Variants in KATNIP observed in about 807,000 individuals in gnomAD.
The protein encoded by KATNIP is katanin-interacting protein.
In KATNIP, 126 loss-of-function variants were observed where a neutral mutation model predicts 174.0. That is an observed-to-expected ratio of 0.72 (90% CI 0.63 to 0.84). The LOEUF (loss-of-function observed/expected upper bound fraction) is 0.84. Among genes scored for constraint, KATNIP ranks in the 40% least tolerant of loss-of-function variants. KATNIP has a pLI of 0.00. For missense variants in KATNIP, 1,958 were observed against 2,109.7 expected, an observed-to-expected ratio of 0.93 and a Z score of 1.41; for synonymous variants, 810 against 835.7, an observed-to-expected ratio of 0.97 and a Z score of 0.53.
At position 27,777,622 on chromosome 16, in the gene KATNIP, G is replaced by C. The variant is rs768377844; in HGVS notation, c.4564G>C (p.Asp1522His). ...CGTGTCCCTGCAGCTCCTGGTGGAC[G>C]ACCTGCTTGTGTACAATGGGATCCT... ...GVKEFGLLVD[D>H]LLVYNGILAM... The change falls in exon 26 of 28, where the codon GAC becomes CAC. Residue 1522 changes from aspartate to histidine, a missense_variant. Physicochemically the swap from Asp to His is moderately conservative, Grantham distance 81 (BLOSUM62 -1). Around this residue, in one of 3 missense-constraint regions of KATNIP, gnomAD observed 383 missense variants for 456.0 expected, o/e 0.84. Coordinates refer to ENST00000261588, the MANE Select transcript of KATNIP (RefSeq NM_015202.5). The surrounding 1 kb of genome is among the most constrained non-coding windows in gnomAD (Gnocchi z 4.4). The C allele has an allele frequency of 6.2e-7, 1 of 1,609,900 alleles. No individual in the cohort carries two copies. Among genetic ancestry groups the C allele is most frequent in the Non-Finnish European group, 8.5e-7 (1 of 1,177,808 alleles).
In KATNIP at chr16:27,780,285, A is replaced by G. The variant is rs1255332726; in HGVS notation, c.*1656A>G. ...ATGTACTGTGCAATTTAGGAGGGGA[A>G]AAAAAGGCTGTACAAGCTTTAACTC... On this transcript the variant is annotated 3_prime_UTR_variant, in exon 28 of 28. Coordinates refer to ENST00000261588, the MANE Select transcript of KATNIP (RefSeq NM_015202.5). 14 of 152,230 alleles carry G rather than the reference A, an allele frequency of 9.2e-5. No individual in the cohort carries two copies. The highest frequency in any genetic ancestry group is 1.6e-4 in the Non-Finnish European group (11 of 68,046). 9.4% of individuals were successfully genotyped at this position (152,230 alleles called of 1,614,324 possible). A position where few individuals can be genotyped will look rare whatever the true frequency, so the allele number is the denominator to read the frequency against.
At chr16:27,631,231 C>G (rs1023924808) in intron 5 of KATNIP, 69 bp downstream of exon 5, 6 of 1,238,540 alleles carry the variant, frequency 4.8e-6, no homozygotes, top group Admixed American at 4.0e-5. Flanking sequence ...AATAGAAATA[C>G]AATCAGAGCA....
intron 1 of KATNIP, 77 bp from the exon 2 acceptor site, chr16:27,573,824 A>C: frequency 1.5e-6 from 2 of 1,366,046 alleles, no homozygotes; most frequent in Non-Finnish European, 1.0e-6. Flanking sequence ...TCAGTTTGCA[A>C]ATAAAAATCT....
intron 12 of KATNIP, among the ~76,000 whole-genome samples, chr16:27,705,539 A>T (rs2079266601): frequency 1.3e-5 from 2 of 152,036 alleles, no homozygotes. Flanking sequence ...CACTGTGAGG[A>T]TGAAACAGGA....
rs561535295 is a variant in KATNIP at position 27,721,032 on chromosome 16, G to A, written c.1606-526G>A. On this transcript the variant is annotated intron_variant, in intron 13 of 27. Coordinates refer to ENST00000261588, the MANE Select transcript of KATNIP (RefSeq NM_015202.5). The stretch of plus-strand genomic sequence containing the variant: ...TCTGCAAACTGAAGCCTCCAAGCTT[G>A]GAAACCCTGAAAGGAACAGAATAAA... 5.3e-5 allele frequency among the ~76,000 whole-genome samples: 8 copies of A among 152,304 alleles called. No homozygotes were observed. In the South Asian group the frequency reaches 1.7e-3, roughly 32 times the overall value.
intron 19 of KATNIP, among the ~76,000 whole-genome samples, chr16:27,762,350 T>G (rs1352563122): frequency 6.6e-6 from 1 of 152,200 alleles, no homozygotes; most frequent in Non-Finnish European, 1.5e-5. Context: ...TTTTGAGCAC[T>G]TATTAAATGC....
chr16:27,661,963 C>T (rs28704949), intron 6 of KATNIP, among the ~76,000 whole-genome samples: 113 of 6,712 alleles, frequency 0.017, 3 homozygotes, highest in African/African-American at 0.022. Context: ...TATACACATA[C>T]ATATATATAT....
chr16:27,778,327 T>G (rs1597441830), intron 27 of KATNIP, among the ~76,000 whole-genome samples: 2 of 152,094 alleles, frequency 1.3e-5, no homozygotes, highest in East Asian at 3.9e-4. Flanking sequence ...GAGGTGATGT[T>G]TGAGCTGGAT....
chr16:27,666,578 C>A (rs144491338), intron 6 of KATNIP, among the ~76,000 whole-genome samples: 2,832 of 152,172 alleles, frequency 0.019, 35 homozygotes, highest in Non-Finnish European at 0.029. Context: ...CCACCACACC[C>A]GGCTAATTTT....
At chr16:27,652,694 T>C (rs1249821397) in intron 6 of KATNIP, among the ~76,000 whole-genome samples, 1 of 151,336 alleles carries the variant, frequency 6.6e-6, no homozygotes, top group Non-Finnish European at 1.5e-5. Context: ...ACACCTGTAA[T>C]CCCAGCTACT....
intron 6 of KATNIP, among the ~76,000 whole-genome samples, chr16:27,660,415 G>A (rs1167518883): frequency 6.6e-6 from 1 of 152,128 alleles, no homozygotes; most frequent in Non-Finnish European, 1.5e-5. Context: ...CAGGCATGGT[G>A]GCGCATGCCT....
Position 27,631,065 on chromosome 16 carries a change from A to G in KATNIP, c.311A>G (p.Asp104Gly). 1 of 1,563,838 alleles carries G rather than the reference A, an allele frequency of 6.4e-7. No individual in the cohort carries two copies. The highest frequency in any genetic ancestry group is 8.7e-7 in the Non-Finnish European group (1 of 1,152,834). ...RSASHTEGTH[D>G]YGRRTLFREA... ...TCTCCTTCCCTCGTCTCTGGTGCAG[A>G]TTATGGACGAAGAACTCTGTTTCGA... is the stretch of plus-strand genomic sequence containing the variant. Residue 104 changes from aspartate (D) to glycine (G), a missense_variant and splice_region_variant, in exon 5 of 28, where the codon GAT becomes GGT. By Grantham distance (94) the Asp-to-Gly change is moderately conservative. This residue lies in a region of KATNIP where 1,557 missense variants were observed against 1,617.8 expected (regional missense o/e 0.96). Transcript: ENST00000261588.
intron 13 of KATNIP, among the ~76,000 whole-genome samples, chr16:27,717,815 A>G (rs1048347133): frequency 3.3e-5 from 5 of 152,114 alleles, no homozygotes; most frequent in Non-Finnish European, 5.9e-5. Flanking sequence ...GAAGCCCCCC[A>G]GGAGCAGCAC....
chr16:27,692,781 G>A (rs572557619), intron 8 of KATNIP, among the ~76,000 whole-genome samples: 1 of 152,168 alleles, frequency 6.6e-6, no homozygotes, highest in Non-Finnish European at 1.5e-5. Flanking sequence ...TGACTACAAG[G>A]TCAATGAGGG....
intron 1 of KATNIP, among the ~76,000 whole-genome samples, chr16:27,550,672 C>T (rs2089314538): frequency 6.6e-6 from 1 of 152,182 alleles, no homozygotes; most frequent in Non-Finnish European, 1.5e-5. Flanking sequence ...GTACCAAGAA[C>T]TCTGTAAGTA....
At chr16:27,719,365 TC>T (rs35200726) in intron 13 of KATNIP, among the ~76,000 whole-genome samples, 2 of 151,904 alleles carry the variant, frequency 1.3e-5, no homozygotes, top group African/African-American at 2.4e-5. Flanking sequence ...TGGAGAAATC[TC>T]CCCCCTCCAC....
chr16:27,570,024 A>G (rs1425266670), intron 1 of KATNIP, among the ~76,000 whole-genome samples: 1 of 152,134 alleles, frequency 6.6e-6, no homozygotes, highest in Non-Finnish European at 1.5e-5. Flanking sequence ...CTGAGATTAC[A>G]GACGTGAGCC....
At position 27,618,518 on chromosome 16, in the gene KATNIP, G is replaced by A. The variant is rs771513811; in HGVS notation, c.140+17G>A. 9.6e-6 allele frequency: 15 copies of A among 1,563,466 alleles called. No homozygotes were observed. Among genetic ancestry groups the A allele is most frequent in the Admixed American group, 3.3e-5 (2 of 59,944 alleles). Reference sequence around the variant, plus strand: ...GAGGAACCGGTAAGAGAAGCCACTCGACGGCAGCCCTTGATATTAGCGAAG... The same window carrying A: ...GAGGAACCGGTAAGAGAAGCCACTCAACGGCAGCCCTTGATATTAGCGAAG... On this transcript the variant is annotated intron_variant, in intron 3 of 27. Coordinates refer to ENST00000261588, the MANE Select transcript of KATNIP (RefSeq NM_015202.5).
rs1198097868 is a variant in KATNIP, at chr16:27,776,379, C to G, written c.4450-549C>G. On this transcript the variant is annotated intron_variant, in intron 24 of 27. Transcript: ENST00000261588. The surrounding 1 kb of genome is among the most constrained non-coding windows in gnomAD (Gnocchi z 4.7). ...AGAGGGAGGGCTGTTTGAGGCTGCT[C>G]CGTCCCACTTTTCCCACTGGATTCT... is the stretch of plus-strand genomic sequence containing the variant. 2.0e-5 allele frequency among the ~76,000 whole-genome samples: 3 copies of G among 152,118 alleles called. No homozygotes were observed. The highest frequency in any genetic ancestry group is 7.2e-5 in the African/African-American group (3 of 41,414).
Sources: gnomAD v4.1 joint callset for allele counts (sites outside exome capture counted in the v4.1 genomes callset) on GRCh38, gnomAD v4.1.1 for gene constraint, gnomAD v4.1.1 regional missense constraint, Gnocchi (gnomAD v3.1) non-coding constraint, MANE v1.5 for transcripts, NCBI Gene and HGNC (gene_info 2026-07-23, HGNC 2026-07-21) for gene names.